The following ALDH6A1 variants were observed in gnomAD, a reference collection of about 807,000 sequenced individuals.
The protein encoded by ALDH6A1 is methylmalonate-semialdehyde/malonate-semialdehyde dehydrogenase [acylating], mitochondrial.
A neutral mutation model predicts 62.6 loss-of-function variants in ALDH6A1; 43 were observed. The ratio of observed to expected loss-of-function variants is 0.69; its 90% confidence interval spans 0.54 to 0.89. The LOEUF is 0.89. ALDH6A1 is among the 40% of genes least tolerant of loss of function. The probability of loss-of-function intolerance (pLI) is 0.00; values close to 1 mark genes in which losing one functional copy is unlikely to be tolerated. For missense variants in ALDH6A1, 551 were observed against 661.3 expected (o/e 0.83, Z 1.83); for synonymous variants, 194 against 234.2 (o/e 0.83, Z 1.57).
chr14:74,060,510 A>T lies in ALDH6A1; in HGVS notation c.*132T>A. 1.3e-6 allele frequency: 1 copy of T among 754,552 alleles called. No homozygotes were observed. The allele number at this position is 754,552 out of a possible 1,614,324, so 46.7% of individuals were successfully genotyped here. On this transcript the variant is annotated 3_prime_UTR_variant, in exon 12 of 12. Coordinates refer to ENST00000553458, the MANE Select transcript of ALDH6A1 (RefSeq NM_005589.4). ...CTATAGAAACTTTGCGGGGGTTAAT[A>T]GTCCTGAGGAAGATTTTAGTTACAA...
chr14:74,071,328 G>A lies in ALDH6A1; in HGVS notation c.597C>T (p.Ala199=), dbSNP rs1566832998. 5.0e-6 allele frequency: 8 copies of A among 1,614,162 alleles called. No homozygotes were observed. The highest frequency in any genetic ancestry group is 5.9e-6 in the Non-Finnish European group (7 of 1,180,030). ...AMIPLWMFPM[A]MVCGNTFLMK... is the part of the protein sequence containing the mutation. ...TTAGGAAGGTATTTCCACACACCATGGCCATGGGAAACATCCAAAGGGGGA... is the reference window on the plus strand; with the variant it reads ...TTAGGAAGGTATTTCCACACACCATAGCCATGGGAAACATCCAAAGGGGGA... The change falls in exon 6 of 12, where the codon GCC becomes GCT. Residue 199 remains alanine (A), a synonymous_variant. Coordinates refer to ENST00000553458, the MANE Select transcript of ALDH6A1 (RefSeq NM_005589.4).
intron 11 of ALDH6A1, among the ~76,000 whole-genome samples, chr14:74,063,152 T>C (rs530863665): frequency 1.3e-5 from 2 of 152,236 alleles, no homozygotes; most frequent in Non-Finnish European, 1.5e-5. Context: ...TCGGGACATA[T>C]GCACCTGTTG....
chr14:74,071,131 CA>C, intron 6 of ALDH6A1, 63 bp downstream of exon 6: 1 of 1,449,366 alleles, frequency 6.9e-7, no homozygotes, highest in Non-Finnish European at 9.7e-7. Context: ...AACATCCAAC[CA>C]TCACTCAACA....
chr14:74,077,642 C>CA, intron 1 of ALDH6A1, among the ~76,000 whole-genome samples: 1 of 152,214 alleles, frequency 6.6e-6, no homozygotes, highest in East Asian at 1.9e-4. Context: ...AGAATTCACT[C>CA]ACTACAGCAC....
Position 74,072,621 on chromosome 14 carries a change from A to C in ALDH6A1, c.112-10T>G. The C allele has an allele frequency of 1.9e-6, 3 of 1,540,984 alleles. No individual in the cohort carries two copies. The highest frequency in any genetic ancestry group is 4.6e-5 in the East Asian group (2 of 43,230). Reference sequence around the variant, plus strand: ...AGAGCTTTACAGTTGGCTGAAAAAAACAAACAAACAAACAAACAAACAAAA... The same window carrying C: ...AGAGCTTTACAGTTGGCTGAAAAAACCAAACAAACAAACAAACAAACAAAA... On this transcript the variant is annotated splice_polypyrimidine_tract_variant and intron_variant, in intron 2 of 11. Transcript: ENST00000553458.
In ALDH6A1 at chr14:74,064,346, A is replaced by G. The variant is rs554362273; in HGVS notation, c.1503+476T>C. ...TAATAGTAATAATAATGTCTGCTAC[A>G]AAGAACGTGCTCAACAACATTTTTT... On this transcript the variant is annotated intron_variant, in intron 11 of 11. Transcript: ENST00000553458. Among the ~76,000 whole-genome samples the G allele has an allele frequency of 2.7e-4, 41 of 152,016 alleles. 1 individual carries two copies. The highest frequency in any genetic ancestry group is 4.6e-4 in the Non-Finnish European group (31 of 68,026).
chr14:74,084,270 C>T (rs2060700273), intron 1 of ALDH6A1, 77 bp downstream of exon 1: 2 of 1,604,608 alleles, frequency 1.2e-6, no homozygotes, highest in Admixed American at 3.4e-5. Context: ...GGTGGTCCCG[C>T]CCGAGGATGG....
rs2060699828 is a variant in ALDH6A1 at position 74,084,244 on chromosome 14, G to GGGGTT, written c.48+98_48+102dup. 1.2e-5 allele frequency: 19 copies of GGGGTT among 1,556,252 alleles called. No individual in the cohort carries two copies. The South Asian group carries it at 2.2e-4, about 18-fold the overall frequency. ...GTCGGGTAGGAGGTCTGGCCAAAAA[G>GGGGTT]GGGTTGGGCCAAGAAGGTGGTCCCG... On this transcript the variant is annotated intron_variant, in intron 1 of 11. Transcript: ENST00000553458.
In ALDH6A1 at chr14:74,060,757, C is replaced by CA; in HGVS notation, c.1504-12dup. On this transcript the variant is annotated splice_polypyrimidine_tract_variant and intron_variant, in intron 11 of 11. Coordinates refer to ENST00000553458, the MANE Select transcript of ALDH6A1 (RefSeq NM_005589.4). ...GTAGAATTGGATGCCCTAAGGAAAA[C>CA]AGAAAAAAAGTTAGCATATATTTCT... is the stretch of plus-strand genomic sequence containing the variant. 2.5e-6 allele frequency: 4 copies of CA among 1,580,122 alleles called. No homozygotes were observed. Among genetic ancestry groups the CA allele is most frequent in the Non-Finnish European group, 3.5e-6 (4 of 1,149,438 alleles).
chr14:74,073,020 G>A (rs560711097), intron 2 of ALDH6A1, among the ~76,000 whole-genome samples: 1 of 152,132 alleles, frequency 6.6e-6, no homozygotes, highest in Non-Finnish European at 1.5e-5. Context: ...GACTGATCTC[G>A]AACTCCTGAC....
intron 1 of ALDH6A1, among the ~76,000 whole-genome samples, chr14:74,083,073 T>C (rs533525427): frequency 2.0e-5 from 3 of 152,306 alleles, no homozygotes; most frequent in South Asian, 2.1e-4. Flanking sequence ...GCAAGAAATA[T>C]GAGTGAGGCC....
intron 11 of ALDH6A1, among the ~76,000 whole-genome samples, chr14:74,064,306 A>AT (rs1555376462): frequency 2.7e-5 from 4 of 147,242 alleles, no homozygotes; most frequent in African/African-American, 7.5e-5. Flanking sequence ...TCAAAAAAAA[A>AT]AAAAATAATA....
intron 3 of ALDH6A1, 82 bp downstream of exon 3, chr14:74,072,455 C>T: frequency 6.2e-7 from 1 of 1,613,270 alleles, no homozygotes; most frequent in South Asian, 1.1e-5. Context: ...TGCTTTACAA[C>T]AGACACCCAG....
intron 6 of ALDH6A1, chr14:74,070,929 A>T: frequency 2.1e-6 from 1 of 468,948 alleles, no homozygotes; most frequent in South Asian, 2.2e-5. Context: ...TGAAGAAAAA[A>T]GTTTCTTTTT....
At position 74,060,501 on chromosome 14, in the gene ALDH6A1, G is replaced by A; in HGVS notation, c.*141C>T. On this transcript the variant is annotated 3_prime_UTR_variant, in exon 12 of 12. Coordinates refer to ENST00000553458, the MANE Select transcript of ALDH6A1 (RefSeq NM_005589.4). ...GGCAGTTCCCTATAGAAACTTTGCG[G>A]GGGTTAATAGTCCTGAGGAAGATTT... is the stretch of plus-strand genomic sequence containing the variant. 2.8e-6 allele frequency: 2 copies of A among 725,376 alleles called. No individual in the cohort carries two copies. Among genetic ancestry groups the A allele is most frequent in the South Asian group, 3.0e-5 (2 of 67,374 alleles). 44.9% of individuals were successfully genotyped at this position (725,376 alleles called of 1,614,324 possible).
intron 2 of ALDH6A1, among the ~76,000 whole-genome samples, 177 bp from the exon 3 acceptor site, chr14:74,072,788 CTG>C (rs1221006952): frequency 1.3e-5 from 2 of 151,974 alleles, no homozygotes; most frequent in East Asian, 1.9e-4. Flanking sequence ...CCTATCTATT[CTG>C]TGTGTGTGTG....
At chr14:74,063,923 A>C (rs2060406563) in intron 11 of ALDH6A1, among the ~76,000 whole-genome samples, 1 of 151,896 alleles carries the variant, frequency 6.6e-6, no homozygotes, top group African/African-American at 2.4e-5. Flanking sequence ...TAACTGGCTT[A>C]GCTGGGATTT....
At chr14:74,065,565 C>T (rs2139766660) in intron 9 of ALDH6A1, 1 of 576,490 alleles carries the variant, frequency 1.7e-6, no homozygotes, top group Non-Finnish European at 3.1e-6. Context: ...ATATAAACAA[C>T]TTGGAATTCC....
rs567159731 is a variant in ALDH6A1, at chr14:74,063,844, C to T, written c.1503+978G>A. On this transcript the variant is annotated intron_variant, in intron 11 of 11. Coordinates refer to ENST00000553458, the MANE Select transcript of ALDH6A1 (RefSeq NM_005589.4). ...TTGTGCCACCGCACCCCAGCCTGTG[C>T]GACAGAGTGAGACTCTGTCTCAAAA... is the stretch of plus-strand genomic sequence containing the variant. Among the ~76,000 whole-genome samples the T allele has an allele frequency of 1.4e-4, 20 of 143,984 alleles. No homozygotes were observed. In the East Asian group the frequency reaches 1.7e-3, roughly 13 times the overall value. 94.5% of individuals were successfully genotyped at this position (143,984 alleles called of 152,430 possible). A position where few individuals can be genotyped will look rare whatever the true frequency, so the allele number is the denominator to read the frequency against.
Sources: gnomAD v4.1 joint callset for allele counts (sites outside exome capture counted in the v4.1 genomes callset) on GRCh38, gnomAD v4.1.1 for gene constraint, MANE v1.5 for transcripts, NCBI Gene and HGNC (gene_info 2026-07-23, HGNC 2026-07-21) for gene names.